SLC6A15: variants seen among roughly 807,000 people sequenced by gnomAD.
SLC6A15 encodes solute carrier family 6 member 15, also known as sodium-dependent neutral amino acid transporter B(0)AT2.
In SLC6A15, 33 loss-of-function variants were observed where a neutral mutation model predicts 68.5. That is an observed-to-expected ratio of 0.48 (90% CI 0.37 to 0.64). SLC6A15 has a LOEUF of 0.64. SLC6A15 is among the 30% of genes least tolerant of loss of function. The pLI is 0.00. For synonymous variants in SLC6A15, 347 were observed against 301.0 expected (o/e 1.15, Z -1.58); for missense variants, 747 against 874.3 (o/e 0.85, Z 1.84).
chr12:84,881,546 A>G, intron 5 of SLC6A15: 1 of 985,388 alleles, frequency 1.0e-6, no homozygotes, highest in South Asian at 4.7e-5. Context: ...CCAAAGGACA[A>G]TGTCCCTATC....
At position 84,861,754 on chromosome 12, in the gene SLC6A15, C is replaced by G. The variant is rs759726355; in HGVS notation, c.2071G>C (p.Gly691Arg). Residue 691 changes from glycine (G) to arginine (R), a missense_variant, in exon 12 of 12, where the codon GGT becomes CGT. Gly to Arg is a moderately radical substitution (Grantham distance 125). Transcript: ENST00000266682. ...CTCTGTTTTCGATAAATATTTTTAC[C>G]AAAATTTGGAGATGGCATCTCGCTC... ...IPSEMPSPNF[G>R]KNIYRKQSGS... 1 of 1,613,896 alleles carries G rather than the reference C, an allele frequency of 6.2e-7. No individual in the cohort carries two copies.
intron 1 of SLC6A15, among the ~76,000 whole-genome samples, chr12:84,909,219 G>A (rs1873323302): frequency 6.6e-6 from 1 of 152,098 alleles, no homozygotes; most frequent in Non-Finnish European, 1.5e-5. Flanking sequence ...AATCTGATAG[G>A]TGAAAAAGTT....
In SLC6A15 at chr12:84,904,224, G is replaced by GGAGAGA. The variant is rs370457657; in HGVS notation, c.-189+8293_-189+8298dup. On this transcript the variant is annotated intron_variant, in intron 1 of 11. Transcript: ENST00000266682. ...AGAGAAAGGGGGGAGGGGCGGAGGG[G>GGAGAGA]GAGAGAGAGAGAGAGAGAGAGAGAG... is the stretch of plus-strand genomic sequence containing the variant. Among the ~76,000 whole-genome samples, 836 of 121,990 alleles carry GGAGAGA rather than the reference G, an allele frequency of 6.9e-3. 7 individuals carry two copies. Among genetic ancestry groups the GGAGAGA allele is most frequent in the African/African-American group, 0.016 (457 of 27,952 alleles). The allele number at this position is 121,990 out of a possible 152,430, so 80.0% of individuals were successfully genotyped here.
chr12:84,910,928 C>CGTGTGTGTGTGTGTGTGTGTGTGT lies in SLC6A15; in HGVS notation c.-189+1571_-189+1594dup, dbSNP rs34335324. Among the ~76,000 whole-genome samples, 7 of 143,452 alleles carry CGTGTGTGTGTGTGTGTGTGTGTGT rather than the reference C, an allele frequency of 4.9e-5. No homozygotes were observed. The East Asian group carries it at 7.8e-4, about 16-fold the overall frequency. 94.1% of individuals were successfully genotyped at this position (143,452 alleles called of 152,430 possible). On this transcript the variant is annotated intron_variant, in intron 1 of 11. Coordinates refer to ENST00000266682, the MANE Select transcript of SLC6A15 (RefSeq NM_182767.6). ...ATTTGCTGTTGAGCCGCCCTCTTTC[C>CGTGTGTGTGTGTGTGTGTGTGTGT]GTGTGTGTGTGTGTGTGTGTGTGTG... is the stretch of plus-strand genomic sequence containing the variant.
At position 84,892,109 on chromosome 12, in the gene SLC6A15, A is replaced by G. The variant is rs1872429216; in HGVS notation, c.12T>C (p.Asn4=). The G allele has an allele frequency of 1.9e-6, 3 of 1,595,986 alleles. No individual in the cohort carries two copies. The highest frequency in any genetic ancestry group is 2.6e-6 in the Non-Finnish European group (3 of 1,169,902). ...CTAATTCTCTTTTTACCACCTTGCT[A>G]TTTTTGGGCATTGGAGAGTATGCGA... The part of the protein sequence containing the change: MPK[N]SKVVKRELDD... Residue 4 remains asparagine (N), a synonymous_variant, in exon 2 of 12, where the codon AAT becomes AAC. Coordinates refer to ENST00000266682, the MANE Select transcript of SLC6A15 (RefSeq NM_182767.6).
intron 6 of SLC6A15, among the ~76,000 whole-genome samples, chr12:84,874,761 A>G (rs536614230): frequency 1.3e-4 from 20 of 152,312 alleles, no homozygotes; most frequent in Non-Finnish European, 1.8e-4. Flanking sequence ...GAAAAGACCT[A>G]TTAACTAAAG....
At chr12:84,882,409 T>C (rs1391651912) in intron 5 of SLC6A15, 12 of 970,138 alleles carry the variant, frequency 1.2e-5, no homozygotes, top group Non-Finnish European at 1.5e-5. Context: ...TGTTAACAAG[T>C]ATATTCACAA....
intron 10 of SLC6A15, 63 bp downstream of exon 10, chr12:84,866,971 A>G: frequency 7.6e-7 from 1 of 1,309,652 alleles, no homozygotes; most frequent in Non-Finnish European, 1.0e-6. Flanking sequence ...TGAAATGAAC[A>G]TTGATAATTG....
chr12:84,879,978 T>G (rs1286472928), intron 5 of SLC6A15, among the ~76,000 whole-genome samples: 1 of 152,158 alleles, frequency 6.6e-6, no homozygotes, highest in Non-Finnish European at 1.5e-5. Context: ...ATTTTGAAAA[T>G]TATATTCTAA....
At chr12:84,903,790 C>T (rs11116649) in intron 1 of SLC6A15, among the ~76,000 whole-genome samples, 1 of 152,000 alleles carries the variant, frequency 6.6e-6, no homozygotes, top group Admixed American at 6.6e-5. Flanking sequence ...CATCTCAATA[C>T]TATATCTGCA....
intron 5 of SLC6A15, among the ~76,000 whole-genome samples, chr12:84,879,245 A>C (rs1421767330): frequency 1.3e-5 from 2 of 151,820 alleles, no homozygotes; most frequent in African/African-American, 4.8e-5. Context: ...CAACCATCGA[A>C]CCCTACTCCA....
rs766425689 is a variant in SLC6A15, at chr12:84,891,971, A to G, written c.150T>C (p.Asp50=). ...IVDGQEEKDT[D]VEEGSEVEDE... is the part of the protein sequence containing the mutation. ...CTTCGACTTCAGATCCTTCTTCAAC[A>G]TCTGTATCTTTCTCTTCCTGGCCAT... is the stretch of plus-strand genomic sequence containing the variant. The change falls in exon 2 of 12, where the codon GAT becomes GAC. Residue 50 remains aspartate, a synonymous_variant. Coordinates refer to ENST00000266682, the MANE Select transcript of SLC6A15 (RefSeq NM_182767.6). 1.2e-5 allele frequency: 19 copies of G among 1,613,958 alleles called. No individual in the cohort carries two copies. In the South Asian group the frequency reaches 1.5e-4, roughly 13 times the overall value.
Position 84,873,112 on chromosome 12 carries a change from C to T in SLC6A15, c.1084G>A (p.Val362Ile), listed in dbSNP as rs1871361441. Reference protein sequence around the residue: ...VFAVLGFKANVINEKCITQNS... With the variant: ...VFAVLGFKANIINEKCITQNS... ...TGTGTAATGCATTTCTCATTTATGA[C>T]ATTTGCTTTGAAGCCCAGAACTGCA... The change falls in exon 7 of 12, where the codon GTC becomes ATC. Residue 362 changes from valine (V) to isoleucine (I), a missense_variant. By Grantham distance (29) the Val-to-Ile change is conservative (BLOSUM62 3). Coordinates refer to ENST00000266682, the MANE Select transcript of SLC6A15 (RefSeq NM_182767.6). 6.2e-6 allele frequency: 10 copies of T among 1,614,028 alleles called. No homozygotes were observed. Among genetic ancestry groups the T allele is most frequent in the Non-Finnish European group, 8.5e-6 (10 of 1,179,974 alleles).
chr12:84,882,765 T>A (rs1871881625), intron 5 of SLC6A15: 1 of 175,922 alleles, frequency 5.7e-6, no homozygotes, highest in Non-Finnish European at 1.1e-5. Context: ...AAATAAAAAT[T>A]ACTTCTCAAG....
chr12:84,871,811 T>C (rs1489536787), intron 8 of SLC6A15, among the ~76,000 whole-genome samples: 1 of 152,124 alleles, frequency 6.6e-6, no homozygotes, highest in Non-Finnish European at 1.5e-5. Flanking sequence ...TATAAGGACA[T>C]TTATTAATGG....
intron 8 of SLC6A15, among the ~76,000 whole-genome samples, 188 bp from the exon 9 acceptor site, chr12:84,870,858 A>C (rs1358395210): frequency 6.6e-6 from 1 of 152,168 alleles, no homozygotes; most frequent in East Asian, 1.9e-4. Context: ...TAATTAGATC[A>C]AGCAGATCCA....
chr12:84,903,193 A>C (rs1872967040), intron 1 of SLC6A15, among the ~76,000 whole-genome samples: 1 of 152,172 alleles, frequency 6.6e-6, no homozygotes. Flanking sequence ...CTGTGAATCA[A>C]AGATAGACAA....
rs746522457 is a variant in SLC6A15 at position 84,861,794 on chromosome 12, A to C, written c.2031T>G (p.Ile677Met). 3 of 1,613,972 alleles carry C rather than the reference A, an allele frequency of 1.9e-6. No individual in the cohort carries two copies. Among genetic ancestry groups the C allele is most frequent in the Non-Finnish European group, 1.7e-6 (2 of 1,179,946 alleles). The stretch of plus-strand genomic sequence containing the variant: ...GCATCTCGCTCGGTATTTTTCCGTG[A>C]ATGAGGCTTGTATCATCGCCCTCTA... ...VNLEGDDTSL[I>M]HGKIPSEMPS... is the part of the protein sequence containing the mutation. The change falls in exon 12 of 12, where the codon ATT becomes ATG. Residue 677 changes from isoleucine to methionine, a missense_variant. Transcript: ENST00000266682.
intron 1 of SLC6A15, among the ~76,000 whole-genome samples, chr12:84,906,908 C>T (rs1003733923): frequency 6.6e-6 from 1 of 150,604 alleles, no homozygotes; most frequent in Non-Finnish European, 1.5e-5. Context: ...TTCAGAAACA[C>T]AAAAATTGAT....
Sources: allele counts gnomAD v4.1 joint callset (sites outside exome capture counted in the v4.1 genomes callset), GRCh38; gene constraint gnomAD v4.1.1; transcripts MANE v1.5; gene names NCBI Gene and HGNC (gene_info 2026-07-23, HGNC 2026-07-21).